The following CYTH3 variants were observed in gnomAD, a reference collection of about 807,000 sequenced individuals.
The protein encoded by CYTH3 is cytohesin 3.
In CYTH3, 23 loss-of-function variants were observed where a neutral mutation model predicts 55.1. That is an observed-to-expected ratio of 0.42 (90% CI 0.30 to 0.59). CYTH3 has a LOEUF of 0.59. CYTH3 is among the 20% of genes least tolerant of loss of function. The probability of loss-of-function intolerance (pLI) is 0.20; values close to 1 mark genes in which losing one functional copy is unlikely to be tolerated. For synonymous variants in CYTH3, 249 were observed against 194.9 expected (o/e 1.28, Z -2.31); for missense variants, 413 against 524.8 (o/e 0.79, Z 2.08).
At chr7:6,257,461 G>A (rs1402224496) in intron 1 of CYTH3, among the ~76,000 whole-genome samples, 1 of 152,160 alleles carries the variant, frequency 6.6e-6, no homozygotes, top group Non-Finnish European at 1.5e-5. Flanking sequence ...AATTGCCAAT[G>A]CCACCTTTGA....
rs114990986 is a variant in CYTH3 at position 6,197,753 on chromosome 7, T to C, written c.35-7222A>G. 3.0e-3 allele frequency among the ~76,000 whole-genome samples: 459 copies of C among 152,292 alleles called. 3 individuals carry two copies. Among genetic ancestry groups the C allele is most frequent in the African/African-American group, 0.011 (443 of 41,546 alleles). On this transcript the variant is annotated intron_variant, in intron 1 of 12. Transcript: ENST00000350796. ...AATCTATTTGATCCATTATCCATTT[T>C]ACAGTCTAAGAGTTTGAATTTTTCA...
chr7:6,236,501 C>T (rs746980087), intron 1 of CYTH3, among the ~76,000 whole-genome samples: 1 of 151,826 alleles, frequency 6.6e-6, no homozygotes, highest in African/African-American at 2.4e-5. Flanking sequence ...TAAGCCACTG[C>T]GCCTGGCCTG....
At chr7:6,185,417 C>T (rs943621733) in intron 4 of CYTH3, among the ~76,000 whole-genome samples, 18 of 151,464 alleles carry the variant, frequency 1.2e-4, no homozygotes, top group African/African-American at 2.4e-4. Flanking sequence ...GAAACTGGGC[C>T]GGGTGCACTG....
intron 1 of CYTH3, among the ~76,000 whole-genome samples, chr7:6,202,508 G>A (rs934263119): frequency 2.0e-5 from 3 of 150,090 alleles, no homozygotes; most frequent in African/African-American, 7.4e-5. Context: ...TGTTGCCCAG[G>A]CTGGAGTGCA....
chr7:6,203,274 T>A (rs1292166264), intron 1 of CYTH3, among the ~76,000 whole-genome samples: 1 of 152,178 alleles, frequency 6.6e-6, no homozygotes, highest in African/African-American at 2.4e-5. Context: ...TCACTGATTA[T>A]AAGATGTGCT....
rs957345123 is a variant in CYTH3, at chr7:6,167,815, T to C, written c.824-2005A>G. Among the ~76,000 whole-genome samples the C allele has an allele frequency of 2.6e-5, 4 of 152,228 alleles. No individual in the cohort carries two copies. The highest frequency in any genetic ancestry group is 9.6e-5 in the African/African-American group (4 of 41,456). Reference sequence around the variant, plus strand: ...AGCATGGTGGACAGCAAAGGACCTGTATGTTCCACTAGCCCACACACCTGG... The same window carrying C: ...AGCATGGTGGACAGCAAAGGACCTGCATGTTCCACTAGCCCACACACCTGG... On this transcript the variant is annotated intron_variant, in intron 9 of 12. Coordinates refer to ENST00000350796, the MANE Select transcript of CYTH3 (RefSeq NM_004227.4). The surrounding 1 kb of genome is among the most constrained non-coding windows in gnomAD (Gnocchi z 5.5).
At chr7:6,166,884 C>A (rs1479920526) in intron 9 of CYTH3, among the ~76,000 whole-genome samples, 1 of 152,180 alleles carries the variant, frequency 6.6e-6, no homozygotes, top group Non-Finnish European at 1.5e-5. Flanking sequence ...CCTCCTCTCC[C>A]CACAGGCCCC....
At chr7:6,228,490 T>G (rs892313970) in intron 1 of CYTH3, among the ~76,000 whole-genome samples, 1 of 151,878 alleles carries the variant, frequency 6.6e-6, no homozygotes, top group Non-Finnish European at 1.5e-5. Flanking sequence ...TGTGGGAGGG[T>G]AGGATTCAGG....
intron 4 of CYTH3, among the ~76,000 whole-genome samples, chr7:6,179,100 A>G (rs181880536): frequency 6.6e-5 from 10 of 152,270 alleles, no homozygotes; most frequent in Non-Finnish European, 8.8e-5. Flanking sequence ...AAACACACGA[A>G]CGTCCACAGC....
At chr7:6,214,430 C>T (rs1488153162) in intron 1 of CYTH3, among the ~76,000 whole-genome samples, 1 of 152,138 alleles carries the variant, frequency 6.6e-6, no homozygotes, top group African/African-American at 2.4e-5. Context: ...ATAAGGAATG[C>T]TTTAAAAATT....
intron 1 of CYTH3, among the ~76,000 whole-genome samples, chr7:6,205,347 C>A (rs887428886): frequency 1.3e-5 from 2 of 152,062 alleles, no homozygotes; most frequent in Non-Finnish European, 2.9e-5. Context: ...CCAAGGTGGG[C>A]AGATCACCTG....
In CYTH3 at chr7:6,170,395, G is replaced by A; in HGVS notation, c.823+140C>T. On this transcript the variant is annotated intron_variant, in intron 9 of 12. Coordinates refer to ENST00000350796, the MANE Select transcript of CYTH3 (RefSeq NM_004227.4). This position sits in a 1 kb window ranked among gnomAD's most constrained non-coding sequence, Gnocchi z 7.8. ...CGTGGCCATGCAGCTACCGAGAGCG[G>A]GCTCTGGCTTAACCGCGTTTCTTTT... 1 of 763,530 alleles carries A rather than the reference G, an allele frequency of 1.3e-6. No homozygotes were observed. The highest frequency in any genetic ancestry group is 2.8e-5 in the East Asian group (1 of 36,236). 47.3% of individuals were successfully genotyped at this position (763,530 alleles called of 1,614,324 possible).
chr7:6,194,742 C>T (rs776907341), intron 1 of CYTH3, among the ~76,000 whole-genome samples: 7 of 152,106 alleles, frequency 4.6e-5, no homozygotes, highest in Non-Finnish European at 1.0e-4. Context: ...TTTGGGAGGC[C>T]AAGGCAGGCG....
At chr7:6,259,750 A>AT (rs1780236571) in intron 1 of CYTH3, among the ~76,000 whole-genome samples, 1 of 11,850 alleles carries the variant, frequency 8.4e-5, no homozygotes, top group East Asian at 1.3e-3. Context: ...TATAATATAT[A>AT]TATATATTAT....
intron 6 of CYTH3, chr7:6,172,861 C>A (rs1336429901): frequency 7.9e-7 from 1 of 1,271,422 alleles, no homozygotes; most frequent in Non-Finnish European, 1.0e-6. Flanking sequence ...GCTGTGAGCA[C>A]AACATCACGA....
intron 1 of CYTH3, among the ~76,000 whole-genome samples, chr7:6,247,708 A>G (rs1211606585): frequency 2.0e-5 from 3 of 152,118 alleles, no homozygotes; most frequent in Non-Finnish European, 2.9e-5. Context: ...CAGTGCTACA[A>G]TCACAGCTCA....
At chr7:6,173,596 G>A (rs1284252318) in intron 6 of CYTH3, 57 bp downstream of exon 6, 15 of 1,110,974 alleles carry the variant, frequency 1.4e-5, no homozygotes, top group Non-Finnish European at 2.1e-5. Context: ...TGCTGCCCAG[G>A]CAGTGGTCCT....
In CYTH3 at chr7:6,165,332, C is replaced by T; in HGVS notation, c.1068G>A (p.Val356=). Residue 356 remains valine, a synonymous_variant, in exon 12 of 13, where the codon GTG becomes GTA. Transcript: ENST00000350796. ...ADGRVVEGNH[V]VYRISAPSPE... Reference sequence around the variant, plus strand: ...GGCTCGGGGCTGAGATCCGGTACACCACATGGTTCCCCTCTACCACGCGGC... The same window carrying T: ...GGCTCGGGGCTGAGATCCGGTACACTACATGGTTCCCCTCTACCACGCGGC... 3 of 1,614,138 alleles carry T rather than the reference C, an allele frequency of 1.9e-6. No individual in the cohort carries two copies. The highest frequency in any genetic ancestry group is 2.5e-6 in the Non-Finnish European group (3 of 1,180,026).
chr7:6,233,405 A>T lies in CYTH3; in HGVS notation c.34+39069T>A, dbSNP rs549974766. 1.6e-4 allele frequency among the ~76,000 whole-genome samples: 25 copies of T among 152,306 alleles called. No individual in the cohort carries two copies. In the Middle Eastern group the frequency reaches 0.024, roughly 145 times the overall value. Reference sequence around the variant, plus strand: ...TAGTTTTTGTTTTGTTTAAAACAGTAAATGACTTTGGGAGGCCGAGGAGGG... The same window carrying T: ...TAGTTTTTGTTTTGTTTAAAACAGTTAATGACTTTGGGAGGCCGAGGAGGG... On this transcript the variant is annotated intron_variant, in intron 1 of 12. Transcript: ENST00000350796.
Sources: allele counts gnomAD v4.1 joint callset (sites outside exome capture counted in the v4.1 genomes callset), GRCh38; gene constraint gnomAD v4.1.1; non-coding constraint Gnocchi (gnomAD v3.1); transcripts MANE v1.5; gene names NCBI Gene and HGNC (gene_info 2026-07-23, HGNC 2026-07-21).